MSRB3: variants seen among roughly 807,000 people sequenced by gnomAD.
MSRB3 encodes methionine sulfoxide reductase B3, also known as methionine-R-sulfoxide reductase B3.
A neutral mutation model predicts 21.0 loss-of-function variants in MSRB3; 13 were observed. The ratio of observed to expected loss-of-function variants is 0.62; its 90% CI spans 0.40 to 0.98. MSRB3 has a LOEUF of 0.98. Among genes scored for constraint, MSRB3 ranks in the 50% least tolerant of loss-of-function variants. The probability of loss-of-function intolerance (pLI) is 0.00; values close to 1 mark genes in which losing one functional copy is unlikely to be tolerated. For missense variants in MSRB3, 199 were observed against 230.3 expected (o/e 0.86, Z 0.88); for synonymous variants, 87 against 88.6 (o/e 0.98, Z 0.10).
At chr12:65,282,613 G>A (rs1459292571) in intron 1 of MSRB3, among the ~76,000 whole-genome samples, 1 of 151,838 alleles carries the variant, frequency 6.6e-6, no homozygotes, top group African/African-American at 2.4e-5. Context: ...CTGAGATAAG[G>A]GACTGGAAAA....
intron 5 of MSRB3, among the ~76,000 whole-genome samples, chr12:65,442,120 A>G (rs75839201): frequency 0.023 from 3,496 of 152,148 alleles, 157 homozygotes; most frequent in African/African-American, 0.081. Context: ...AAGATTTATG[A>G]AAACAGGGAA....
chr12:65,329,313 T>C (rs1440889852), intron 4 of MSRB3, among the ~76,000 whole-genome samples: 1 of 152,114 alleles, frequency 6.6e-6, no homozygotes, highest in Non-Finnish European at 1.5e-5. Flanking sequence ...TTCCCATGGG[T>C]TGCTGACTTG....
rs914488177 is a variant in MSRB3 at position 65,374,159 on chromosome 12, A to G, written c.292+5133A>G. ...TGTTGACAATAGTTTTTAGCCATAC[A>G]GTTTAATTTCTTCATTTTAAATTTC... On this transcript the variant is annotated intron_variant, in intron 5 of 6. Coordinates refer to ENST00000308259, the MANE Select transcript of MSRB3 (RefSeq NM_001031679.3). Among the ~76,000 whole-genome samples, 6 of 152,214 alleles carry G rather than the reference A, an allele frequency of 3.9e-5. No homozygotes were observed. The East Asian group carries it at 1.2e-3, about 29-fold the overall frequency.
At chr12:65,418,070 C>T (rs1282877769) in intron 5 of MSRB3, among the ~76,000 whole-genome samples, 1 of 152,176 alleles carries the variant, frequency 6.6e-6, no homozygotes, top group Non-Finnish European at 1.5e-5. Context: ...AATTTACATT[C>T]TCCCCAACAG....
At chr12:65,404,761 G>C (rs1284085503) in intron 5 of MSRB3, among the ~76,000 whole-genome samples, 1 of 152,104 alleles carries the variant, frequency 6.6e-6, no homozygotes, top group Non-Finnish European at 1.5e-5. Context: ...TTTGTGGTGA[G>C]AACACTTAAA....
intron 4 of MSRB3, among the ~76,000 whole-genome samples, chr12:65,338,817 G>A (rs1021993896): frequency 6.6e-6 from 1 of 152,196 alleles, no homozygotes; most frequent in Admixed American, 6.5e-5. Flanking sequence ...GCTCATGCCT[G>A]TAATTCTAGC....
intron 5 of MSRB3, among the ~76,000 whole-genome samples, chr12:65,398,576 T>C (rs1209413732): frequency 2.0e-5 from 3 of 152,222 alleles, no homozygotes; most frequent in Admixed American, 2.0e-4. Flanking sequence ...ACTCTGATGA[T>C]GGTTTCTTTT....
intron 5 of MSRB3, among the ~76,000 whole-genome samples, chr12:65,416,985 A>G (rs1290378584): frequency 6.6e-6 from 1 of 152,162 alleles, no homozygotes; most frequent in Non-Finnish European, 1.5e-5. Flanking sequence ...CCCTGCTCAG[A>G]CAACACAAGC....
chr12:65,343,718 T>C (rs1405705910), intron 4 of MSRB3, among the ~76,000 whole-genome samples: 1 of 152,042 alleles, frequency 6.6e-6, no homozygotes, highest in Non-Finnish European at 1.5e-5. Flanking sequence ...AGCTAGGACA[T>C]AGATTCATGT....
intron 5 of MSRB3, among the ~76,000 whole-genome samples, chr12:65,382,535 G>A (rs1220314115): frequency 6.6e-6 from 1 of 151,790 alleles, no homozygotes. Flanking sequence ...CTTGTATTTT[G>A]TGGCTTGTTT....
At position 65,278,719 on chromosome 12, in the gene MSRB3, G is replaced by C. The variant is rs369771746; in HGVS notation, c.-198G>C. ...CGCCCCGTCCGTCGCCCGGAGCCGG[G>C]GAGGGAGGGAGCGAGGTTCGGACAC... On this transcript the variant is annotated 5_prime_UTR_variant, in exon 1 of 7. Coordinates refer to ENST00000308259, the MANE Select transcript of MSRB3 (RefSeq NM_001031679.3). 3.3e-6 allele frequency: 5 copies of C among 1,504,942 alleles called. No homozygotes were observed. The highest frequency in any genetic ancestry group is 3.6e-6 in the Non-Finnish European group (4 of 1,106,196). 93.2% of individuals were successfully genotyped at this position (1,504,942 alleles called of 1,614,324 possible). A position where few individuals can be genotyped will look rare whatever the true frequency, so the allele number is the denominator to read the frequency against.
intron 5 of MSRB3, among the ~76,000 whole-genome samples, chr12:65,389,019 G>A (rs943919064): frequency 2.0e-5 from 3 of 152,078 alleles, no homozygotes; most frequent in Non-Finnish European, 4.4e-5. Context: ...CTTCCTCCTC[G>A]TAAATAATGA....
chr12:65,295,906 A>C (rs1209165321), intron 1 of MSRB3, among the ~76,000 whole-genome samples: 8 of 152,248 alleles, frequency 5.3e-5, no homozygotes, highest in Non-Finnish European at 1.5e-5. Context: ...TCTCAGGGTC[A>C]CAATGCACAA....
intron 1 of MSRB3, among the ~76,000 whole-genome samples, chr12:65,291,829 AG>A (rs1228288527): frequency 6.6e-6 from 1 of 152,136 alleles, no homozygotes; most frequent in African/African-American, 2.4e-5. Context: ...CATTATGAGG[AG>A]TTTAGATAGT....
intron 5 of MSRB3, among the ~76,000 whole-genome samples, chr12:65,440,909 T>C (rs1199657167): frequency 1.3e-5 from 2 of 151,984 alleles, no homozygotes; most frequent in Non-Finnish European, 2.9e-5. Flanking sequence ...TAAGGAGCTA[T>C]ATCTTTTGCC....
chr12:65,422,999 G>T (rs1447151106), intron 5 of MSRB3, among the ~76,000 whole-genome samples: 10 of 116,110 alleles, frequency 8.6e-5, no homozygotes, highest in South Asian at 2.8e-4. Flanking sequence ...TCTCACTCTT[G>T]TTGCCCAGGC....
At chr12:65,322,065 A>T (rs973678042) in intron 2 of MSRB3, among the ~76,000 whole-genome samples, 4 of 152,200 alleles carry the variant, frequency 2.6e-5, no homozygotes, top group African/African-American at 7.2e-5. Flanking sequence ...TTATGACTTA[A>T]AAGTACTCTA....
At chr12:65,326,224 A>ATATACAGAATCTTTATACTTTGAAGGAG (rs1875018252) in intron 2 of MSRB3, among the ~76,000 whole-genome samples, 1 of 152,188 alleles carries the variant, frequency 6.6e-6, no homozygotes, top group African/African-American at 2.4e-5. Context: ...CTTTGAAGAG[A>ATATACAGAATCTTTATACTTTGAAGGAG]TATACAGAAT....
chr12:65,342,643 C>CA (rs758664517), intron 4 of MSRB3, among the ~76,000 whole-genome samples: 4 of 151,880 alleles, frequency 2.6e-5, no homozygotes, highest in Non-Finnish European at 4.4e-5. Context: ...TTCCAAAAAT[C>CA]ATTTTTATGC....
Sources: gnomAD v4.1 joint callset for allele counts (sites outside exome capture counted in the v4.1 genomes callset) on GRCh38, gnomAD v4.1.1 for gene constraint, MANE v1.5 for transcripts, NCBI Gene and HGNC (gene_info 2026-07-23, HGNC 2026-07-21) for gene names.